SUGT1: variants seen among roughly 807,000 people sequenced by gnomAD.
The protein encoded by SUGT1 is SGT1 assembly cochaperone of MIS12 kinetochore complex, also known as protein SGT1 homolog.
Under a neutral mutation model 56.1 loss-of-function variants are expected in SUGT1, and 15 were observed. The observed-to-expected ratio is 0.27, with a 90% CI of 0.18 to 0.41. SUGT1 has a LOEUF of 0.41. SUGT1 is among the 10% of genes least tolerant of loss of function. The pLI is 1.00. For synonymous variants in SUGT1, 123 were observed against 128.6 expected (o/e 0.96, Z 0.30); for missense variants, 347 against 382.2 (o/e 0.91, Z 0.77).
At chr13:52,658,535 T>G (rs750853264) in intron 4 of SUGT1, 67 bp downstream of exon 4, 23 of 1,439,872 alleles carry the variant, frequency 1.6e-5, no homozygotes, top group Non-Finnish European at 2.1e-5. Flanking sequence ...GTTGAATGAG[T>G]TCATTGCAAG....
rs1052074118 is a variant in SUGT1, at chr13:52,692,750, A to G, written c.*4915A>G. ...ATAGGAGCTGGGAAGATAAATTCCT[A>G]GAGATCCTCACTTTCTTAAGTAGGA... On this transcript the variant is annotated 3_prime_UTR_variant, in exon 13 of 13. Transcript: ENST00000310528. 2 of 152,238 alleles carry G rather than the reference A, an allele frequency of 1.3e-5. No homozygotes were observed. The highest frequency in any genetic ancestry group is 2.4e-5 in the African/African-American group (1 of 41,452). 9.4% of individuals were successfully genotyped at this position (152,238 alleles called of 1,614,324 possible).
intron 10 of SUGT1, among the ~76,000 whole-genome samples, chr13:52,668,289 T>C (rs1026311986): frequency 6.6e-6 from 1 of 152,112 alleles, no homozygotes; most frequent in African/African-American, 2.4e-5. Context: ...CTATTACTCC[T>C]TTTTTTATAC....
intron 5 of SUGT1, 103 bp from the exon 6 acceptor site, chr13:52,662,542 CCCCA>C: frequency 5.6e-6 from 6 of 1,068,926 alleles, no homozygotes; most frequent in South Asian, 3.2e-5. Context: ...GCTGCCGACT[CCCCA>C]GTGCCTAGAA....
intron 12 of SUGT1, among the ~76,000 whole-genome samples, chr13:52,681,847 A>AG (rs1438132088): frequency 6.7e-6 from 1 of 149,264 alleles, no homozygotes; most frequent in Non-Finnish European, 1.5e-5. Context: ...AAAAAAAAAA[A>AG]AAAGAGAGAG....
intron 10 of SUGT1, among the ~76,000 whole-genome samples, chr13:52,670,504 C>CT (rs2138142001): frequency 6.6e-6 from 1 of 152,250 alleles, no homozygotes; most frequent in Admixed American, 6.5e-5. Context: ...TTTTCATTCC[C>CT]TTTAAGATTT....
intron 10 of SUGT1, among the ~76,000 whole-genome samples, chr13:52,672,482 T>C (rs1962984109): frequency 6.6e-6 from 1 of 152,206 alleles, no homozygotes; most frequent in Admixed American, 6.5e-5. Flanking sequence ...ATTATAGAAA[T>C]ATTTTAGTGT....
intron 9 of SUGT1, among the ~76,000 whole-genome samples, chr13:52,666,141 A>G (rs78978380): frequency 0.014 from 2,097 of 152,330 alleles, 47 homozygotes; most frequent in African/African-American, 0.048. Context: ...GCTGGAGTGC[A>G]GTGGCGCAAT....
rs1963820142 is a variant in SUGT1, at chr13:52,692,813, G to T, written c.*4978G>T. ...AATCCAAATCTTTTGCCTCATACTGGAAGTAATGCAAAGAAGTAGTCTGAT... is the reference window on the plus strand; with the variant it reads ...AATCCAAATCTTTTGCCTCATACTGTAAGTAATGCAAAGAAGTAGTCTGAT... On this transcript the variant is annotated 3_prime_UTR_variant, in exon 13 of 13. Coordinates refer to ENST00000310528, the MANE Select transcript of SUGT1 (RefSeq NM_006704.5). 6.6e-6 allele frequency: 1 copy of T among 152,214 alleles called. No homozygotes were observed. The highest frequency in any genetic ancestry group is 2.4e-5 in the African/African-American group (1 of 41,458). The allele number at this position is 152,214 out of a possible 1,614,324, so 9.4% of individuals were successfully genotyped here. A position where few individuals can be genotyped will look rare whatever the true frequency, so the allele number is the denominator to read the frequency against.
At chr13:52,659,814 A>ATATTTTTT (rs1555271105) in intron 5 of SUGT1, among the ~76,000 whole-genome samples, 3 of 58,728 alleles carry the variant, frequency 5.1e-5, no homozygotes, top group African/African-American at 2.2e-4. Flanking sequence ...ATATATATAT[A>ATATTTTTT]TTTTTTTTTT....
rs1447106415 is a variant in SUGT1 at position 52,693,199 on chromosome 13, AT to A, written c.*5369del. 2 of 151,446 alleles carry A rather than the reference AT, an allele frequency of 1.3e-5. No individual in the cohort carries two copies. Among genetic ancestry groups the A allele is most frequent in the Non-Finnish European group, 2.9e-5 (2 of 67,884 alleles). 9.4% of individuals were successfully genotyped at this position (151,446 alleles called of 1,614,324 possible). On this transcript the variant is annotated 3_prime_UTR_variant, in exon 13 of 13. Coordinates refer to ENST00000310528, the MANE Select transcript of SUGT1 (RefSeq NM_006704.5). ...CCTTCACATTTGGATTTTTAGTTTT[AT>A]TTTTACATTGAGACTTCTACCTATA...
chr13:52,657,539 C>T lies in SUGT1; in HGVS notation c.104C>T (p.Thr35Ile). ...EDPQAALEEL[T>I]KALEQKPDDA... Reference sequence around the variant, plus strand: ...ACATGTTTGTTTTTGTAGGAGCTGACTAAGGCTTTGGAACAGAAACCAGAT... The same window carrying T: ...ACATGTTTGTTTTTGTAGGAGCTGATTAAGGCTTTGGAACAGAAACCAGAT... The change falls in exon 3 of 13, where the codon ACT (threonine) becomes ATT (isoleucine). Residue 35 changes from threonine to isoleucine, a missense_variant. Transcript: ENST00000310528. The T allele has an allele frequency of 2.5e-6, 4 of 1,613,554 alleles. No homozygotes were observed. Among genetic ancestry groups the T allele is most frequent in the Non-Finnish European group, 3.4e-6 (4 of 1,179,748 alleles).
rs9568746 is a variant in SUGT1, at chr13:52,654,927, T to C, written c.96+1824T>C. ...TTGTACATGTATTTTGGTGAACACATGCATTTCTTTTGGTTGTATGTACCT... is the reference window on the plus strand; with the variant it reads ...TTGTACATGTATTTTGGTGAACACACGCATTTCTTTTGGTTGTATGTACCT... On this transcript the variant is annotated intron_variant, in intron 2 of 12. Transcript: ENST00000310528. Among the ~76,000 whole-genome samples the C allele has an allele frequency of 6.9e-3, 1,057 of 152,372 alleles. 22 individuals carry two copies. The highest frequency in any genetic ancestry group is 0.062 in the East Asian group (323 of 5,186).
intron 2 of SUGT1, among the ~76,000 whole-genome samples, chr13:52,653,854 C>T (rs1263767177): frequency 6.7e-6 from 1 of 149,030 alleles, no homozygotes; most frequent in African/African-American, 2.4e-5. Flanking sequence ...AAAGAGGAAA[C>T]CTGTTTTGCT....
At chr13:52,665,880 C>CT (rs1401675744) in intron 9 of SUGT1, 147 bp downstream of exon 9, 16 of 594,446 alleles carry the variant, frequency 2.7e-5, no homozygotes, top group Middle Eastern at 4.5e-4. Flanking sequence ...GAAGCCATTG[C>CT]TTTGAGGTAA....
At chr13:52,672,847 ACT>A (rs1294878817) in intron 10 of SUGT1, among the ~76,000 whole-genome samples, 3 of 152,120 alleles carry the variant, frequency 2.0e-5, no homozygotes, top group South Asian at 2.1e-4. Flanking sequence ...AAAGAATTAA[ACT>A]CTCTGCTATG....
chr13:52,687,000 G>A (rs1024648597), intron 12 of SUGT1: 1 of 135,962 alleles, frequency 7.4e-6, no homozygotes, highest in Admixed American at 8.9e-5. Context: ...GAACCTGGGA[G>A]GCAGAGGTTG....
Position 52,699,715 on chromosome 13 carries a change from A to G in SUGT1, c.*11880A>G, listed in dbSNP as rs937767152. 2.6e-5 allele frequency: 4 copies of G among 152,224 alleles called. No individual in the cohort carries two copies. Among genetic ancestry groups the G allele is most frequent in the African/African-American group, 4.8e-5 (2 of 41,468 alleles). 9.4% of individuals were successfully genotyped at this position (152,224 alleles called of 1,614,324 possible). A position where few individuals can be genotyped will look rare whatever the true frequency, so the allele number is the denominator to read the frequency against. On this transcript the variant is annotated 3_prime_UTR_variant, in exon 13 of 13. Coordinates refer to ENST00000310528, the MANE Select transcript of SUGT1 (RefSeq NM_006704.5). ...TTTGTCAGTATATGGCAAATTTAGTATAAAAGATGATTAATTATCAAGGCT... is the reference window on the plus strand; with the variant it reads ...TTTGTCAGTATATGGCAAATTTAGTGTAAAAGATGATTAATTATCAAGGCT...
Position 52,688,787 on chromosome 13 carries a change from A to C in SUGT1, c.*952A>C, listed in dbSNP as rs1179716104. The C allele has an allele frequency of 6.6e-6, 1 of 152,218 alleles. No homozygotes were observed. Among genetic ancestry groups the C allele is most frequent in the Non-Finnish European group, 1.5e-5 (1 of 68,036 alleles). The allele number at this position is 152,218 out of a possible 1,614,324, so 9.4% of individuals were successfully genotyped here. On this transcript the variant is annotated 3_prime_UTR_variant, in exon 13 of 13. Coordinates refer to ENST00000310528, the MANE Select transcript of SUGT1 (RefSeq NM_006704.5). ...CATGATTATTAACTTCAAAGAGCTT[A>C]TAAATGTAGCAGGGAAAAAAAATAA... is the stretch of plus-strand genomic sequence containing the variant.
chr13:52,678,045 A>G (rs1304736363), intron 11 of SUGT1, among the ~76,000 whole-genome samples: 1 of 152,184 alleles, frequency 6.6e-6, no homozygotes, highest in African/African-American at 2.4e-5. Flanking sequence ...AGATAAGGGC[A>G]AGTCACTTAA....
Sources: gnomAD v4.1 joint callset for allele counts (sites outside exome capture counted in the v4.1 genomes callset) on GRCh38, gnomAD v4.1.1 for gene constraint, MANE v1.5 for transcripts, NCBI Gene and HGNC (gene_info 2026-07-23, HGNC 2026-07-21) for gene names.